KIAA1217: variants seen among roughly 807,000 people sequenced by gnomAD.
KIAA1217 encodes the protein KIAA1217.
Under a neutral mutation model 163.9 loss-of-function variants are expected in KIAA1217, and 88 were observed. That is an observed-to-expected ratio of 0.54 (90% confidence interval 0.45 to 0.64). KIAA1217 has a LOEUF of 0.64. Among genes scored for constraint, KIAA1217 ranks in the 30% least tolerant of loss-of-function variants. The probability of loss-of-function intolerance (pLI) is 0.00; values close to 1 mark genes in which losing one functional copy is unlikely to be tolerated. For missense variants in KIAA1217, 2,372 were observed against 2,475.0 expected (o/e 0.96, Z 0.88); for synonymous variants, 903 against 923.1 (o/e 0.98, Z 0.39).
intron 1 of KIAA1217, among the ~76,000 whole-genome samples, chr10:23,874,147 C>T (rs1840581678): frequency 6.6e-6 from 1 of 151,986 alleles, no homozygotes; most frequent in African/African-American, 2.4e-5. Context: ...TCCTGACATT[C>T]ACCCCTCATG....
At chr10:23,982,643 A>T (rs1224364968) in intron 1 of KIAA1217, among the ~76,000 whole-genome samples, 2 of 142,982 alleles carry the variant, frequency 1.4e-5, no homozygotes, top group Non-Finnish European at 3.0e-5. Context: ...GGCTCACTGC[A>T]ACCTCCACCT....
upstream of KIAA1217, among the ~76,000 whole-genome samples, chr10:24,205,302 CA>C (rs61292023): frequency 0.08 from 2,899 of 36,460 alleles, 31 homozygotes; most frequent in South Asian, 0.24. Flanking sequence ...ACTAAAAATA[CA>C]AAAAAAAAAA....
intron 2 of KIAA1217, among the ~76,000 whole-genome samples, chr10:24,152,369 C>A (rs1341444885): frequency 6.6e-6 from 1 of 152,158 alleles, no homozygotes; most frequent in Non-Finnish European, 1.5e-5. Flanking sequence ...TCTCCATTTC[C>A]TTTCCTTCTC....
intron 1 of KIAA1217, among the ~76,000 whole-genome samples, chr10:23,911,482 G>A (rs1417025661): frequency 1.3e-5 from 2 of 152,156 alleles, no homozygotes; most frequent in Non-Finnish European, 2.9e-5. Flanking sequence ...GATGCTATAC[G>A]AAGGACATGT....
At chr10:24,524,839 A>G in intron 13 of KIAA1217, 75 bp downstream of exon 13, 1 of 1,263,912 alleles carries the variant, frequency 7.9e-7, no homozygotes, top group Non-Finnish European at 1.1e-6. Context: ...AAGCATTTAT[A>G]GGTCAGATGA....
intron 2 of KIAA1217, among the ~76,000 whole-genome samples, chr10:24,230,626 C>T (rs1338383517): frequency 1.3e-5 from 2 of 151,208 alleles, no homozygotes; most frequent in Non-Finnish European, 2.9e-5. Context: ...GTTCTCCTGC[C>T]TCAGCCTCCC....
intron 1 of KIAA1217, among the ~76,000 whole-genome samples, chr10:23,796,081 T>C (rs1836188063): frequency 2.0e-5 from 3 of 152,186 alleles, no homozygotes; most frequent in African/African-American, 7.2e-5. Context: ...ATGTCAATCT[T>C]TGTAGTTTCC....
intron 2 of KIAA1217, among the ~76,000 whole-genome samples, chr10:24,292,457 T>A (rs980475502): frequency 6.6e-6 from 1 of 152,164 alleles, no homozygotes; most frequent in Non-Finnish European, 1.5e-5. Context: ...TTTGCCTCAC[T>A]CATCAGAAGT....
At chr10:23,989,074 G>A in intron 1 of KIAA1217, among the ~76,000 whole-genome samples, 1 of 151,990 alleles carries the variant, frequency 6.6e-6, no homozygotes, top group East Asian at 1.9e-4. Flanking sequence ...TGACTCTTCT[G>A]GAAAACTCAG....
At chr10:24,228,971 C>A (rs1281226421) in intron 2 of KIAA1217, among the ~76,000 whole-genome samples, 2 of 152,168 alleles carry the variant, frequency 1.3e-5, no homozygotes, top group Non-Finnish European at 2.9e-5. Context: ...TTGCAGAACT[C>A]CAGCATGGAC....
chr10:24,329,539 C>T (rs140610173), intron 2 of KIAA1217, among the ~76,000 whole-genome samples: 155 of 152,202 alleles, frequency 1.0e-3, no homozygotes, highest in African/African-American at 3.5e-3. Context: ...GGGCAATGTA[C>T]GCTCTCCTGG....
intron 5 of KIAA1217, among the ~76,000 whole-genome samples, chr10:24,438,855 G>A (rs1452469239): frequency 1.3e-5 from 2 of 152,128 alleles, no homozygotes; most frequent in Admixed American, 1.3e-4. Flanking sequence ...CAAACAGCAA[G>A]GTGCACAATT....
intron 2 of KIAA1217, among the ~76,000 whole-genome samples, chr10:24,095,037 C>A (rs2062095579): frequency 6.6e-6 from 1 of 152,166 alleles, no homozygotes. Flanking sequence ...ACCCTCCGAG[C>A]CAGGTGTGGG....
At chr10:24,360,175 T>A (rs976349920) in intron 2 of KIAA1217, among the ~76,000 whole-genome samples, 1 of 149,572 alleles carries the variant, frequency 6.7e-6, no homozygotes, top group Non-Finnish European at 1.5e-5. Flanking sequence ...GCTTCCCGAG[T>A]AGCTGGGATT....
At chr10:24,281,287 T>A (rs2077895028) in intron 2 of KIAA1217, among the ~76,000 whole-genome samples, 1 of 152,166 alleles carries the variant, frequency 6.6e-6, no homozygotes, top group Non-Finnish European at 1.5e-5. Context: ...TTTTTACCTA[T>A]GTGTGATGTA....
At chr10:24,465,652 G>T (rs568997955) in intron 5 of KIAA1217, among the ~76,000 whole-genome samples, 1 of 152,190 alleles carries the variant, frequency 6.6e-6, no homozygotes, top group Non-Finnish European at 1.5e-5. Context: ...GCCTGGGAGC[G>T]CAGGAGATGC....
At chr10:24,529,652 A>G (rs2072803348) in intron 14 of KIAA1217, among the ~76,000 whole-genome samples, 3 of 152,020 alleles carry the variant, frequency 2.0e-5, no homozygotes. Context: ...CTGTGCTAAG[A>G]GGCTTTTCTT....
intron 2 of KIAA1217, among the ~76,000 whole-genome samples, chr10:24,169,445 A>G (rs1166510303): frequency 1.5e-5 from 2 of 130,892 alleles, no homozygotes. Context: ...ATCTTTCTTC[A>G]CTGCATTGAC....
intron 3 of KIAA1217, among the ~76,000 whole-genome samples, chr10:24,403,326 C>A (rs889583261): frequency 5.3e-5 from 8 of 152,120 alleles, no homozygotes; most frequent in Non-Finnish European, 8.8e-5. Context: ...GCAACCTCTG[C>A]CACCCGGGTT....
Sources: allele counts gnomAD v4.1 joint callset (sites outside exome capture counted in the v4.1 genomes callset), GRCh38; gene constraint gnomAD v4.1.1; transcripts MANE v1.5; gene names NCBI Gene and HGNC (gene_info 2026-07-23, HGNC 2026-07-21).